The following VPS13B variants were observed in gnomAD, a reference collection of about 807,000 sequenced individuals.
VPS13B encodes vacuolar protein sorting 13 homolog B.
A neutral mutation model predicts 426.4 loss-of-function variants in VPS13B; 285 were observed. The ratio of observed to expected loss-of-function variants is 0.67; its 90% CI spans 0.61 to 0.74. The LOEUF (loss-of-function observed/expected upper bound fraction) is 0.74, where lower values mean the gene tolerates loss of function less well. Among genes scored for constraint, VPS13B ranks in the 30% least tolerant of loss-of-function variants. VPS13B has a pLI of 0.00. For missense variants in VPS13B, 4,537 were observed against 4,782.6 expected (o/e 0.95, Z 1.51); for synonymous variants, 1,676 against 1,676.4 (o/e 1.00, Z 0.01).
At chr8:99,391,114 AT>A (rs572779379) in intron 20 of VPS13B, among the ~76,000 whole-genome samples, 37 of 152,146 alleles carry the variant, frequency 2.4e-4, no homozygotes, top group Admixed American at 1.7e-3. Context: ...AAACATAAGG[AT>A]TTTTTTTATA....
At chr8:99,591,382 G>T (rs1826665566) in intron 33 of VPS13B, among the ~76,000 whole-genome samples, 1 of 151,922 alleles carries the variant, frequency 6.6e-6, no homozygotes, top group Non-Finnish European at 1.5e-5. Context: ...GTGTGAATTT[G>T]ATCCTGTCAT....
chr8:99,235,093 A>G (rs1025642313), intron 17 of VPS13B, among the ~76,000 whole-genome samples: 2 of 151,348 alleles, frequency 1.3e-5, no homozygotes, highest in African/African-American at 4.9e-5. Context: ...TAATTAATGA[A>G]TTGTTGGTAT....
At chr8:99,183,913 A>T (rs571650426) in intron 16 of VPS13B, among the ~76,000 whole-genome samples, 6 of 152,254 alleles carry the variant, frequency 3.9e-5, no homozygotes, top group Non-Finnish European at 8.8e-5. Flanking sequence ...CCTAATTCTT[A>T]CCCCAACTTC....
At chr8:99,795,205 A>G (rs1279307415) in intron 43 of VPS13B, among the ~76,000 whole-genome samples, 1 of 152,170 alleles carries the variant, frequency 6.6e-6, no homozygotes, top group Non-Finnish European at 1.5e-5. Context: ...ACTTAGCTAG[A>G]TCATGTAGTT....
At chr8:99,497,303 CATAAA>C (rs1382318015) in intron 25 of VPS13B, among the ~76,000 whole-genome samples, 1 of 140,454 alleles carries the variant, frequency 7.1e-6, no homozygotes, top group African/African-American at 2.6e-5. Context: ...TGCATATATA[CATAAA>C]ATAATATGTA....
At chr8:99,083,008 A>G (rs1196973259) in intron 3 of VPS13B, among the ~76,000 whole-genome samples, 5 of 152,266 alleles carry the variant, frequency 3.3e-5, no homozygotes, top group South Asian at 2.1e-4. Context: ...GAAAGTCATC[A>G]GTAGCTTGAT....
chr8:99,393,275 TCA>T (rs1449859362), intron 21 of VPS13B, among the ~76,000 whole-genome samples: 3 of 152,124 alleles, frequency 2.0e-5, no homozygotes, highest in Admixed American at 6.5e-5. Context: ...CTCATACCAA[TCA>T]CATATCAATT....
chr8:99,776,690 A>G, intron 40 of VPS13B, 85 bp from the exon 41 acceptor site: 1 of 1,271,048 alleles, frequency 7.9e-7, no homozygotes, highest in Non-Finnish European at 1.1e-6. Context: ...TACTAGTTTT[A>G]GAAACCCTTA....
intron 51 of VPS13B, among the ~76,000 whole-genome samples, chr8:99,830,194 C>T (rs924488600): frequency 6.6e-6 from 1 of 152,184 alleles, no homozygotes; most frequent in Non-Finnish European, 1.5e-5. Context: ...TGAAGCTGTG[C>T]CCACAGCTGC....
At chr8:99,419,574 G>A (rs1422970845) in intron 21 of VPS13B, among the ~76,000 whole-genome samples, 3 of 152,030 alleles carry the variant, frequency 2.0e-5, no homozygotes, top group Non-Finnish European at 4.4e-5. Flanking sequence ...ATTGAACTGT[G>A]GTTAAGGCAG....
At chr8:99,639,040 G>A (rs915287875) in intron 33 of VPS13B, among the ~76,000 whole-genome samples, 2 of 152,174 alleles carry the variant, frequency 1.3e-5, no homozygotes, top group Non-Finnish European at 2.9e-5. Context: ...GATATTTACT[G>A]TAAGGCAGGC....
At chr8:99,621,585 T>C (rs1352279497) in intron 33 of VPS13B, among the ~76,000 whole-genome samples, 2 of 152,116 alleles carry the variant, frequency 1.3e-5, no homozygotes, top group African/African-American at 2.4e-5. Context: ...AGGGCCTTTT[T>C]CCCCTTTCAT....
At chr8:99,726,384 C>T (rs746303693) in intron 39 of VPS13B, among the ~76,000 whole-genome samples, 2 of 152,158 alleles carry the variant, frequency 1.3e-5, no homozygotes, top group African/African-American at 2.4e-5. Flanking sequence ...ATTTCTGGCA[C>T]TGTATATGGC....
At chr8:99,038,596 G>T in intron 3 of VPS13B, 30 bp downstream of exon 3, 1 of 1,508,632 alleles carries the variant, frequency 6.6e-7, no homozygotes, top group Non-Finnish European at 9.0e-7. Context: ...AGTTGTTTAT[G>T]TTAACTAATT....
Position 99,871,513 on chromosome 8 carries a change from G to A in VPS13B, c.11561G>A (p.Gly3854Asp), listed in dbSNP as rs1252681547. The A allele has an allele frequency of 5.0e-6, 8 of 1,614,220 alleles. No individual in the cohort carries two copies. The highest frequency in any genetic ancestry group is 6.8e-6 in the Non-Finnish European group (8 of 1,180,042). ...GCCCTGGACGTGGTTCTGGTGAGGG[G>A]CTCAGGCCAGGAGCATGAAGGGTGC... ...HMALDVVLVR[G>D]SGQEHEGCLL... The change falls in exon 61 of 62, where the codon GGC becomes GAC. Residue 3854 changes from glycine to aspartate, a missense_variant. Coordinates refer to ENST00000357162, the MANE Select transcript of VPS13B (RefSeq NM_152564.5).
At chr8:99,615,659 C>G (rs1311291402) in intron 33 of VPS13B, among the ~76,000 whole-genome samples, 1 of 152,132 alleles carries the variant, frequency 6.6e-6, no homozygotes, top group Non-Finnish European at 1.5e-5. Context: ...CTCCATTAAT[C>G]TGAACTAAAA....
At chr8:99,759,572 T>C (rs763749141) in intron 39 of VPS13B, among the ~76,000 whole-genome samples, 23 of 152,192 alleles carry the variant, frequency 1.5e-4, no homozygotes, top group Non-Finnish European at 2.8e-4. Flanking sequence ...CACAGTTAAC[T>C]CCCTCTTCCA....
intron 17 of VPS13B, among the ~76,000 whole-genome samples, chr8:99,258,785 T>C (rs1336143454): frequency 1.3e-5 from 2 of 152,096 alleles, no homozygotes; most frequent in African/African-American, 4.8e-5. Context: ...CTTTTAGAGA[T>C]AAAAGCAATC....
In VPS13B at chr8:99,143,299, CT is replaced by C. The variant is rs1370339364; in HGVS notation, c.1843+135del. The C allele has an allele frequency of 1.1e-5, 12 of 1,071,010 alleles. No individual in the cohort carries two copies. In the Admixed American group the frequency reaches 1.8e-4, roughly 16 times the overall value. The allele number at this position is 1,071,010 out of a possible 1,614,324, so 66.3% of individuals were successfully genotyped here. On this transcript the variant is annotated intron_variant, in intron 13 of 61. Coordinates refer to ENST00000357162, the MANE Select transcript of VPS13B (RefSeq NM_152564.5). ...TTTGCAAGGACTTTGATATATGTAG[CT>C]GTTTATTTAAAGAATAAACTTGTGT... is the stretch of plus-strand genomic sequence containing the variant.
Sources: gnomAD v4.1 joint callset for allele counts (sites outside exome capture counted in the v4.1 genomes callset) on GRCh38, gnomAD v4.1.1 for gene constraint, MANE v1.5 for transcripts, NCBI Gene and HGNC (gene_info 2026-07-23, HGNC 2026-07-21) for gene names.